Variants in CSPP1 observed in about 807,000 individuals in gnomAD.
CSPP1 encodes centrosome and spindle pole associated protein 1, also known as centrosome and spindle pole-associated protein 1.
In CSPP1, 126 loss-of-function variants were observed where a neutral mutation model predicts 164.4. The ratio of observed to expected loss-of-function variants is 0.77; its 90% confidence interval spans 0.66 to 0.89. The LOEUF is 0.89. Among genes scored for constraint, CSPP1 ranks in the 40% least tolerant of loss-of-function variants. The probability of loss-of-function intolerance (pLI) is 0.00; values close to 1 mark genes in which losing one functional copy is unlikely to be tolerated. For missense variants in CSPP1, 1,395 were observed against 1,449.8 expected (o/e 0.96, Z 0.61); for synonymous variants, 472 against 476.7 (o/e 0.99, Z 0.13).
chr8:67,157,097 A>G (rs1024453153), intron 19 of CSPP1, among the ~76,000 whole-genome samples: 4 of 152,092 alleles, frequency 2.6e-5, no homozygotes, highest in African/African-American at 9.7e-5. Flanking sequence ...AGAAGGGGGA[A>G]TTGAGTATTG....
chr8:67,194,179 C>G (rs1009235888), intron 30 of CSPP1, among the ~76,000 whole-genome samples: 1 of 152,188 alleles, frequency 6.6e-6, no homozygotes, highest in Admixed American at 6.5e-5. Context: ...CTACACCACC[C>G]TTTTCTATAC....
At chr8:67,159,234 G>C in intron 21 of CSPP1, 97 bp downstream of exon 21, 4 of 1,151,294 alleles carry the variant, frequency 3.5e-6, no homozygotes, top group Non-Finnish European at 4.9e-6. Context: ...AAGAGGAGGA[G>C]GTGCTTTTGT....
intron 17 of CSPP1, among the ~76,000 whole-genome samples, chr8:67,146,383 G>A (rs1824564967): frequency 1.3e-5 from 2 of 151,716 alleles, no homozygotes; most frequent in Non-Finnish European, 2.9e-5. Context: ...TCAGCCTCCC[G>A]AAGTGTTGAG....
chr8:67,154,747 T>C (rs1271814177), intron 19 of CSPP1, among the ~76,000 whole-genome samples: 1 of 152,156 alleles, frequency 6.6e-6, no homozygotes, highest in East Asian at 1.9e-4. Context: ...GTGATCTGCC[T>C]GCTTTGGTCC....
At chr8:67,136,438 A>G (rs7833287) in intron 16 of CSPP1, among the ~76,000 whole-genome samples, 148,641 of 151,890 alleles carry the variant, frequency 0.98, 72,739 homozygotes, top group East Asian at 1. Flanking sequence ...GCGTGGTGGC[A>G]GGCTCCTGTA....
At chr8:67,124,009 C>T (rs966071230) in intron 15 of CSPP1, among the ~76,000 whole-genome samples, 11 of 151,054 alleles carry the variant, frequency 7.3e-5, no homozygotes, top group Non-Finnish European at 1.3e-4. Flanking sequence ...ATGTCATTCT[C>T]CTGCCTCAGC....
At position 67,190,721 on chromosome 8, in the gene CSPP1, C is replaced by A. The variant is rs759630451; in HGVS notation, c.3292C>A (p.Arg1098=). ...LPPPSQLPSA[R]ERRRNKWKGL... ...TCCACCATCACAGTTGCCCTCTGCA[C>A]GGGAGCGCAGGAGGAACAAATGGAA... The change falls in exon 29 of 31, where the codon CGG becomes AGG. Residue 1098 remains arginine (R), a synonymous_variant. Transcript: ENST00000678616. 6.2e-7 allele frequency: 1 copy of A among 1,613,798 alleles called. No homozygotes were observed. Among genetic ancestry groups the A allele is most frequent in the Non-Finnish European group, 8.5e-7 (1 of 1,179,784 alleles).
At chr8:67,191,300 CTGTG>C (rs1052580788) in intron 29 of CSPP1, among the ~76,000 whole-genome samples, 4 of 152,292 alleles carry the variant, frequency 2.6e-5, no homozygotes, top group South Asian at 2.1e-4. Flanking sequence ...TTCTTAAACT[CTGTG>C]TGTGTTTCCT....
chr8:67,144,186 G>C (rs1053686999), intron 17 of CSPP1, among the ~76,000 whole-genome samples: 1 of 152,148 alleles, frequency 6.6e-6, no homozygotes, highest in African/African-American at 2.4e-5. Flanking sequence ...AGATGATAAT[G>C]TGGTTTCTTT....
At chr8:67,194,791 A>AATC (rs1361817257) in intron 30 of CSPP1, among the ~76,000 whole-genome samples, 3 of 152,292 alleles carry the variant, frequency 2.0e-5, no homozygotes, top group African/African-American at 7.2e-5. Context: ...AGTTGCGTAC[A>AATC]ATCAATCAGA....
chr8:67,131,009 A>G (rs1029887048), intron 15 of CSPP1, among the ~76,000 whole-genome samples: 1 of 152,164 alleles, frequency 6.6e-6, no homozygotes, highest in Non-Finnish European at 1.5e-5. Flanking sequence ...AAAACAAAAA[A>G]TTATAAAATC....
chr8:67,129,621 A>G (rs761286465), intron 15 of CSPP1, among the ~76,000 whole-genome samples: 1 of 152,232 alleles, frequency 6.6e-6, no homozygotes, highest in Non-Finnish European at 1.5e-5. Context: ...AGTGTCCATC[A>G]GTGAGTGAAT....
At chr8:67,064,633 G>C in intron 1 of CSPP1, 95 bp downstream of exon 1, 2 of 1,046,370 alleles carry the variant, frequency 1.9e-6, no homozygotes, top group Non-Finnish European at 2.5e-6. Flanking sequence ...CCCTCGGGGC[G>C]TAGGTCTCGA....
chr8:67,130,373 T>TAA (rs1231758170), intron 15 of CSPP1, among the ~76,000 whole-genome samples: 2 of 152,170 alleles, frequency 1.3e-5, no homozygotes, highest in Admixed American at 1.3e-4. Flanking sequence ...GTGAAATAGA[T>TAA]ATTGAGAGAA....
chr8:67,161,706 A>C, intron 21 of CSPP1, 105 bp from the exon 22 acceptor site: 3 of 603,884 alleles, frequency 5.0e-6, no homozygotes, highest in Non-Finnish European at 8.7e-6. Context: ...ATAACAATCT[A>C]AACTTCTTAG....
Position 67,172,479 on chromosome 8 carries a change from C to T in CSPP1, c.2892C>T (p.Val964=), listed in dbSNP as rs2129567269. The change falls in exon 25 of 31, where the codon GTC becomes GTT. Residue 964 remains valine (V), a synonymous_variant. Transcript: ENST00000678616. ...DMARHRLQAP[V]RRQSPKGLDA... ...CTAGACATCGGTTGCAAGCTCCTGT[C>T]AGAAGACAGTCCCCTAAGGGCTTAG... The T allele has an allele frequency of 6.2e-7, 1 of 1,613,070 alleles. No individual in the cohort carries two copies. Among genetic ancestry groups the T allele is most frequent in the East Asian group, 2.2e-5 (1 of 44,868 alleles).
chr8:67,130,165 A>G (rs148066384), intron 15 of CSPP1, among the ~76,000 whole-genome samples: 2 of 152,330 alleles, frequency 1.3e-5, no homozygotes, highest in African/African-American at 4.8e-5. Context: ...GTATAGGCAG[A>G]GAGTCCTGGA....
intron 17 of CSPP1, among the ~76,000 whole-genome samples, chr8:67,143,350 C>T (rs181240731): frequency 2.0e-5 from 3 of 151,740 alleles, no homozygotes; most frequent in Admixed American, 6.6e-5. Flanking sequence ...TCAACTTCTT[C>T]GCATATTTTA....
intron 21 of CSPP1, 22 bp from the exon 22 acceptor site, chr8:67,161,789 T>G: frequency 2.0e-6 from 3 of 1,476,254 alleles, no homozygotes; most frequent in Non-Finnish European, 2.8e-6. Flanking sequence ...AAATATGCTC[T>G]TAAATTTTTT....
Sources: gnomAD v4.1 joint callset for allele counts (sites outside exome capture counted in the v4.1 genomes callset) on GRCh38, gnomAD v4.1.1 for gene constraint, MANE v1.5 for transcripts, NCBI Gene and HGNC (gene_info 2026-07-23, HGNC 2026-07-21) for gene names.